VWA3A: variants seen among roughly 807,000 people sequenced by gnomAD.
VWA3A encodes the protein von Willebrand factor A domain containing 3A.
In VWA3A, 134 loss-of-function variants were observed where a neutral mutation model predicts 160.4. The ratio of observed to expected loss-of-function variants is 0.84; its 90% confidence interval spans 0.73 to 0.96. The LOEUF (loss-of-function observed/expected upper bound fraction) is 0.96, where lower values mean the gene tolerates loss of function less well. VWA3A is among the 40% of genes least tolerant of loss of function. The pLI is 0.00. For synonymous variants in VWA3A, 476 were observed against 543.4 expected (o/e 0.88, Z 1.72); for missense variants, 1,310 against 1,447.9 (o/e 0.90, Z 1.55).
chr16:22,108,035 C>A lies in VWA3A; in HGVS notation c.484-1447C>A, dbSNP rs564580533. Among the ~76,000 whole-genome samples the A allele has an allele frequency of 3.9e-5, 6 of 152,198 alleles. No homozygotes were observed. In the East Asian group the frequency reaches 1.2e-3, roughly 29 times the overall value. On this transcript the variant is annotated intron_variant, in intron 6 of 33. Coordinates refer to ENST00000389398, the MANE Select transcript of VWA3A (RefSeq NM_173615.5). ...ACTGTGCTATATGCTACTCAGAGTT[C>A]GGGAAAGTCAAGAATTTGGATTTAA...
chr16:22,151,649 A>G (rs966022249), intron 30 of VWA3A, among the ~76,000 whole-genome samples: 2 of 152,126 alleles, frequency 1.3e-5, no homozygotes, highest in Non-Finnish European at 2.9e-5. Flanking sequence ...AGGTGGGAGG[A>G]TCACTTGAGG....
chr16:22,154,299 G>A (rs1234738000), intron 31 of VWA3A, among the ~76,000 whole-genome samples: 1 of 151,094 alleles, frequency 6.6e-6, no homozygotes, highest in Admixed American at 6.6e-5. Context: ...AGGCAGAAGG[G>A]ATGGCTTCCT....
Position 22,144,319 on chromosome 16 carries a change from C to T in VWA3A, c.2665C>T (p.Gln889Ter), listed in dbSNP as rs779572526. The change falls in exon 26 of 34, where the codon CAA (glutamine) becomes TAA (stop). Residue 889 changes from glutamine (Q) to a stop codon, truncating the protein, a stop_gained. Transcript: ENST00000389398. LOFTEE classifies it high-confidence loss of function. ...ATGCATGGGTCCCAACTGCACTCAT[C>T]AAAAGTCAGGACAGAGGTCAGCATC... Reference protein sequence around the residue: ...SRCMGPNCTHQKSGQRSASAK... With the variant: ...SRCMGPNCTH 4.3e-6 allele frequency: 7 copies of T among 1,613,814 alleles called. No individual in the cohort carries two copies. Among genetic ancestry groups the T allele is most frequent in the Admixed American group, 3.3e-5 (2 of 59,982 alleles).
chr16:22,093,758 C>T (rs898562386), intron 1 of VWA3A, among the ~76,000 whole-genome samples: 14 of 152,006 alleles, frequency 9.2e-5, no homozygotes, highest in Admixed American at 9.2e-4. Context: ...AAAGGTTCAG[C>T]ACTTTTTTGT....
rs375959795 is a variant in VWA3A, at chr16:22,117,435, G to A, written c.990+259G>A. On this transcript the variant is annotated intron_variant, in intron 11 of 33. Coordinates refer to ENST00000389398, the MANE Select transcript of VWA3A (RefSeq NM_173615.5). Reference sequence around the variant, plus strand: ...TGATTGAATGCGTGGGAGCCCAGAGGCCTTTTAAAGCCCTGCCTGCAGAAT... The same window carrying A: ...TGATTGAATGCGTGGGAGCCCAGAGACCTTTTAAAGCCCTGCCTGCAGAAT... 8.5e-4 allele frequency among the ~76,000 whole-genome samples: 130 copies of A among 152,240 alleles called. 1 individual carries two copies. In the South Asian group the frequency reaches 0.026, roughly 30 times the overall value.
intron 11 of VWA3A, 43 bp from the exon 12 acceptor site, chr16:22,118,859 A>T: frequency 6.2e-7 from 1 of 1,611,510 alleles, no homozygotes; most frequent in Middle Eastern, 1.7e-4. Flanking sequence ...CCCTGCAGGT[A>T]GTCAAGTGAT....
At chr16:22,107,642 A>T (rs749334930) in intron 6 of VWA3A, among the ~76,000 whole-genome samples, 12 of 152,260 alleles carry the variant, frequency 7.9e-5, no homozygotes, top group South Asian at 6.2e-4. Context: ...GCTACTTAGG[A>T]GATTGAGGCA....
At chr16:22,102,311 A>T (rs2045419542) in intron 5 of VWA3A, among the ~76,000 whole-genome samples, 1 of 152,120 alleles carries the variant, frequency 6.6e-6, no homozygotes, top group South Asian at 2.1e-4. Flanking sequence ...TGATCGTACC[A>T]CTGCACTCCA....
At chr16:22,141,202 G>T (rs767312550) in intron 23 of VWA3A, 18 of 473,056 alleles carry the variant, frequency 3.8e-5, no homozygotes, top group Non-Finnish European at 4.2e-6. Flanking sequence ...TAATGTCAAA[G>T]GTATGGCAGA....
At chr16:22,125,455 G>A (rs887262115) in intron 16 of VWA3A, among the ~76,000 whole-genome samples, 6 of 151,862 alleles carry the variant, frequency 4.0e-5, no homozygotes, top group South Asian at 2.1e-4. Flanking sequence ...ACGGAATCTC[G>A]CTCTGTCACC....
intron 16 of VWA3A, among the ~76,000 whole-genome samples, 183 bp from the exon 17 acceptor site, chr16:22,125,995 A>T (rs1598075600): frequency 6.6e-6 from 1 of 152,062 alleles, no homozygotes; most frequent in South Asian, 2.1e-4. Flanking sequence ...GGCTTCCATG[A>T]CCCCCTTAAT....
intron 1 of VWA3A, 150 bp from the exon 2 acceptor site, chr16:22,096,709 T>G (rs762589512): frequency 3.5e-6 from 2 of 567,692 alleles, no homozygotes; most frequent in Non-Finnish European, 6.3e-6. Context: ...TGGGCCACTG[T>G]ACTCCAGCCT....
intron 24 of VWA3A, 86 bp downstream of exon 24, chr16:22,141,778 C>G: frequency 8.6e-7 from 1 of 1,161,274 alleles, no homozygotes; most frequent in Non-Finnish European, 1.2e-6. Context: ...GAAGGAGACC[C>G]CTCCTGCTGT....
chr16:22,125,954 T>G (rs1341985846), intron 16 of VWA3A, among the ~76,000 whole-genome samples: 1 of 152,150 alleles, frequency 6.6e-6, no homozygotes, highest in Non-Finnish European at 1.5e-5. Context: ...GAGGCTTTAT[T>G]CCATTAAAGC....
chr16:22,117,060 G>T, intron 10 of VWA3A, 51 bp from the exon 11 acceptor site: 1 of 1,542,826 alleles, frequency 6.5e-7, no homozygotes, highest in Non-Finnish European at 8.8e-7. Context: ...AAGGCTTACT[G>T]GAGTATTGGT....
In VWA3A at chr16:22,148,297, G is replaced by C; in HGVS notation, c.2975G>C (p.Cys992Ser). ...VLLIWEQLRK[C>S]CDSFNLLSFA... The stretch of plus-strand genomic sequence containing the variant: ...CTGATTTGGGAACAGCTGCGGAAGT[G>C]CTGTGACAGGTAGGAGGCGAGGGCT... Residue 992 changes from cysteine (C) to serine (S), a missense_variant, in exon 28 of 34, where the codon TGC becomes TCC. Cys to Ser is a moderately radical substitution (Grantham distance 112). Coordinates refer to ENST00000389398, the MANE Select transcript of VWA3A (RefSeq NM_173615.5). 1 of 1,595,276 alleles carries C rather than the reference G, an allele frequency of 6.3e-7. No homozygotes were observed. Among genetic ancestry groups the C allele is most frequent in the Non-Finnish European group, 8.5e-7 (1 of 1,171,188 alleles).
Position 22,156,080 on chromosome 16 carries a change from G to A in VWA3A, c.*63G>A, listed in dbSNP as rs1226949349. On this transcript the variant is annotated 3_prime_UTR_variant, in exon 34 of 34. Coordinates refer to ENST00000389398, the MANE Select transcript of VWA3A (RefSeq NM_173615.5). The stretch of plus-strand genomic sequence containing the variant: ...CTCACTGAGCAAATCTCAGCCCCGA[G>A]GGCAGGATGGGATGAAATGCTGTGA... 1 of 710,788 alleles carries A rather than the reference G, an allele frequency of 1.4e-6. No homozygotes were observed. Among genetic ancestry groups the A allele is most frequent in the Non-Finnish European group, 2.3e-6 (1 of 430,744 alleles). The allele number at this position is 710,788 out of a possible 1,614,324, so 44.0% of individuals were successfully genotyped here.
At chr16:22,150,948 C>T in intron 30 of VWA3A, 102 bp downstream of exon 30, 2 of 1,378,288 alleles carry the variant, frequency 1.5e-6, no homozygotes, top group Non-Finnish European at 1.9e-6. Context: ...CTCACTTAGA[C>T]ACGGGTTTCT....
At chr16:22,123,563 T>G (rs1369530399) in intron 15 of VWA3A, 50 bp from the exon 16 acceptor site, 4 of 1,613,552 alleles carry the variant, frequency 2.5e-6, no homozygotes, top group South Asian at 1.1e-5. Flanking sequence ...TCAGGCCCCT[T>G]GGTTGCTCAG....
Sources: allele counts gnomAD v4.1 joint callset (sites outside exome capture counted in the v4.1 genomes callset), GRCh38; gene constraint gnomAD v4.1.1; transcripts MANE v1.5; gene names NCBI Gene and HGNC (gene_info 2026-07-23, HGNC 2026-07-21).